HTATSF1: variants seen among roughly 807,000 people sequenced by gnomAD.
HTATSF1 encodes the protein HIV-1 Tat specific factor 1, also known as 17S U2 SnRNP complex component HTATSF1.
In HTATSF1, 6 loss-of-function variants were observed where a neutral mutation model predicts 46.1. That is an observed-to-expected ratio of 0.13 (90% CI 0.07 to 0.26). HTATSF1 has a LOEUF of 0.26. HTATSF1 is among the 10% of genes least tolerant of loss of function. The pLI is 1.00. For synonymous variants in HTATSF1, 226 were observed against 211.5 expected (o/e 1.07, Z -0.60); for missense variants, 452 against 559.9 (o/e 0.81, Z 1.94).
At chrX:136,507,932 ATTC>A (rs1217154709) in intron 6 of HTATSF1, among the ~76,000 whole-genome samples, 1 of 111,865 alleles carries the variant, frequency 8.9e-6, no homozygotes, top group Non-Finnish European at 1.9e-5. Flanking sequence ...TCTACTCCTT[ATTC>A]TTCTCAGGTC....
intron 4 of HTATSF1, among the ~76,000 whole-genome samples, chrX:136,502,019 A>G (rs1463138594): frequency 2.7e-5 from 3 of 111,738 alleles, no homozygotes; most frequent in Non-Finnish European, 5.7e-5. Context: ...AATATAGTGA[A>G]TTATTCCAGG....
At chrX:136,506,278 A>C (rs1337607521) in intron 6 of HTATSF1, among the ~76,000 whole-genome samples, 2 of 111,920 alleles carry the variant, frequency 1.8e-5, no homozygotes, top group Non-Finnish European at 3.8e-5. Context: ...TCATGCTTGC[A>C]AATTCCTGAT....
chrX:136,509,949 A>G, intron 7 of HTATSF1, 133 bp from the exon 8 acceptor site: 1 of 556,509 alleles, frequency 1.8e-6, no homozygotes. Flanking sequence ...AAAATGGAAG[A>G]AAGACTTCAT....
At chrX:136,499,295 G>A (rs1381204979) in intron 1 of HTATSF1, among the ~76,000 whole-genome samples, 1 of 112,109 alleles carries the variant, frequency 8.9e-6, no homozygotes, top group East Asian at 2.8e-4. Flanking sequence ...GTGTAGAGAG[G>A]TAGTAATTAA....
chrX:136,511,024 G>A lies in HTATSF1; in HGVS notation c.1279G>A (p.Asp427Asn), dbSNP rs779256341. 9.1e-6 allele frequency: 11 copies of A among 1,209,878 alleles called. No homozygotes were observed. The South Asian group carries it at 1.9e-4, about 21-fold the overall frequency. The change falls in exon 9 of 9, where the codon GAT becomes AAT. Residue 427 changes from aspartate to asparagine, a missense_variant. Asp to Asn is a conservative substitution (Grantham distance 23, BLOSUM62 1). Coordinates refer to ENST00000218364, the MANE Select transcript of HTATSF1 (RefSeq NM_014500.5). ...TGGAATGGCGTTTGAAGAACCTATA[G>A]ATGAGAAGAAGTTTGAAAAGACAGA... ...ATGMAFEEPI[D>N]EKKFEKTEDG...
intron 5 of HTATSF1, among the ~76,000 whole-genome samples, chrX:136,503,401 T>C (rs1027088218): frequency 8.9e-6 from 1 of 112,288 alleles, no homozygotes; most frequent in African/African-American, 3.2e-5. Flanking sequence ...TATTATTCTG[T>C]TTGTTTAATA....
rs1414966318 is a variant in HTATSF1 at position 136,497,768 on chromosome X, T to G, written c.84T>G (p.Gly28=). The G allele has an allele frequency of 8.3e-7, 1 of 1,204,618 alleles. No homozygotes were observed. The highest frequency in any genetic ancestry group is 2.2e-5 in the Admixed American group (1 of 45,942). ...MQELYGDGKD[G]DTQTDAGGEP... is the part of the protein sequence containing the mutation. ...AATTGTACGGAGACGGCAAGGATGGTGACACCCAGACCGATGCCGGCGGAG... is the reference window on the plus strand; with the variant it reads ...AATTGTACGGAGACGGCAAGGATGGGGACACCCAGACCGATGCCGGCGGAG... The change falls in exon 1 of 9, where the codon GGT becomes GGG. Residue 28 remains glycine (G), a synonymous_variant. Coordinates refer to ENST00000218364, the MANE Select transcript of HTATSF1 (RefSeq NM_014500.5).
intron 6 of HTATSF1, among the ~76,000 whole-genome samples, chrX:136,507,896 CAT>C (rs903961588): frequency 1.2e-4 from 13 of 111,628 alleles, no homozygotes; most frequent in East Asian, 2.8e-4. Context: ...CACACACACA[CAT>C]GTCAAAAGCC....
At chrX:136,505,350 T>G (rs769311796) in intron 6 of HTATSF1, among the ~76,000 whole-genome samples, 7 of 111,850 alleles carry the variant, frequency 6.3e-5, no homozygotes, top group African/African-American at 2.3e-4. Flanking sequence ...GGCCCCAAAA[T>G]GGACAGTTCA....
chrX:136,507,685 T>G lies in HTATSF1; in HGVS notation c.835-1406T>G, dbSNP rs182845607. Among the ~76,000 whole-genome samples, 719 of 111,979 alleles carry G rather than the reference T, an allele frequency of 6.4e-3. 4 individuals carry two copies. Among genetic ancestry groups the G allele is most frequent in the South Asian group, 0.027 (72 of 2,702 alleles). ...GTTAAACATGTTGACACAGTTTTTT[T>G]TTTGTTTTTGATATAATCCTGATTT... On this transcript the variant is annotated intron_variant, in intron 6 of 8. Coordinates refer to ENST00000218364, the MANE Select transcript of HTATSF1 (RefSeq NM_014500.5).
intron 5 of HTATSF1, among the ~76,000 whole-genome samples, 186 bp from the exon 6 acceptor site, chrX:136,504,178 C>T (rs1026676659): frequency 1.8e-5 from 2 of 112,372 alleles, no homozygotes; most frequent in Non-Finnish European, 3.8e-5. Context: ...GCCCCCTGCC[C>T]ATTATTTTTA....
chrX:136,504,743 T>A (rs1223372348), intron 6 of HTATSF1, among the ~76,000 whole-genome samples: 1 of 112,233 alleles, frequency 8.9e-6, no homozygotes, highest in Non-Finnish European at 1.9e-5. Context: ...TTGAAAAATA[T>A]CATCATCAAA....
chrX:136,505,745 C>T (rs748347867), intron 6 of HTATSF1, among the ~76,000 whole-genome samples: 8 of 111,222 alleles, frequency 7.2e-5, no homozygotes, highest in African/African-American at 9.8e-5. Context: ...TAAGATCGCG[C>T]CACTGCACTC....
chrX:136,502,844 G>A lies in HTATSF1; in HGVS notation c.637G>A (p.Val213Ile), dbSNP rs1481734907. The A allele has an allele frequency of 8.5e-7, 1 of 1,173,142 alleles. No individual in the cohort carries two copies. The highest frequency in any genetic ancestry group is 1.8e-5 in the African/African-American group (1 of 56,116). Residue 213 changes from valine to isoleucine, a missense_variant, in exon 5 of 9, where the codon GTT becomes ATT. Physicochemically the swap from Val to Ile is conservative, Grantham distance 29 (BLOSUM62 3). Coordinates refer to ENST00000218364, the MANE Select transcript of HTATSF1 (RefSeq NM_014500.5). ...TGAAATTAGAGGCTACAAATTACAT[G>A]TTGAGGTGGCAAAGTTTCAACTGAA... ...EDEIRGYKLH[V>I]EVAKFQLKGE... is the part of the protein sequence containing the mutation.
intron 6 of HTATSF1, among the ~76,000 whole-genome samples, chrX:136,505,230 G>GT (rs1373296130): frequency 8.9e-6 from 1 of 112,097 alleles, no homozygotes; most frequent in East Asian, 2.8e-4. Flanking sequence ...TGTTCATAAC[G>GT]TAAAATTCCG....
chrX:136,503,178 G>A (rs1351469739), intron 5 of HTATSF1, among the ~76,000 whole-genome samples: 1 of 111,960 alleles, frequency 8.9e-6, no homozygotes, highest in African/African-American at 3.2e-5. Context: ...GCTAAGAGAA[G>A]CCATCTGTTT....
chrX:136,500,204 T>C lies in HTATSF1; in HGVS notation c.414T>C (p.Ser138=). 9.2e-7 allele frequency: 1 copy of C among 1,089,729 alleles called. No individual in the cohort carries two copies. The highest frequency in any genetic ancestry group is 1.3e-6 in the Non-Finnish European group (1 of 792,343). 89.8% of individuals were successfully genotyped at this position (1,089,729 alleles called of 1,213,427 possible). A position where few individuals can be genotyped will look rare whatever the true frequency, so the allele number is the denominator to read the frequency against. ...ACAGAAATACAAATGTATACGTGTC[T>C]GGTATGTATAACTTTTTAAACAGGT... is the stretch of plus-strand genomic sequence containing the variant. ...EEDRNTNVYV[S]GLPPDITVDE... Residue 138 remains serine, a splice_region_variant and synonymous_variant, in exon 3 of 9, where the codon TCT becomes TCC. Coordinates refer to ENST00000218364, the MANE Select transcript of HTATSF1 (RefSeq NM_014500.5).
chrX:136,497,486 G>A, upstream of HTATSF1: 1 of 234,594 alleles, frequency 4.3e-6, no homozygotes, highest in Non-Finnish European at 7.6e-6. Flanking sequence ...CGCGCGCGCG[G>A]TGGGCGGGCA....
At position 136,512,261 on chromosome X, in the gene HTATSF1, A is replaced by G. The variant is rs768998579; in HGVS notation, c.*248A>G. ...TTCTTTTGTCAGATTTGTTAAATGC[A>G]TGCAGAATAATATTTTTAAGAGTAT... On this transcript the variant is annotated 3_prime_UTR_variant, in exon 9 of 9. Transcript: ENST00000218364. 5 of 272,444 alleles carry G rather than the reference A, an allele frequency of 1.8e-5. No individual in the cohort carries two copies. Among genetic ancestry groups the G allele is most frequent in the East Asian group, 1.6e-4 (3 of 18,343 alleles). The allele number at this position is 272,444 out of a possible 1,213,427, so 22.5% of individuals were successfully genotyped here.
Sources: gnomAD v4.1 joint callset for allele counts (sites outside exome capture counted in the v4.1 genomes callset) on GRCh38, gnomAD v4.1.1 for gene constraint, MANE v1.5 for transcripts, NCBI Gene and HGNC (gene_info 2026-07-23, HGNC 2026-07-21) for gene names.